PPID: variants seen among roughly 807,000 people sequenced by gnomAD.
The protein encoded by PPID is peptidylprolyl isomerase D.
PPID carries 47 observed loss-of-function variants against 48.1 expected under a neutral mutation model. The ratio of observed to expected loss-of-function variants is 0.98; its 90% CI spans 0.77 to 1.25. The LOEUF is 1.25. Among genes scored for constraint, PPID ranks in the 50% most tolerant of loss-of-function variants. PPID has a pLI of 0.00. For synonymous variants in PPID, 163 were observed against 148.8 expected (o/e 1.10, Z -0.69); for missense variants, 429 against 443.5 (o/e 0.97, Z 0.29).
intron 4 of PPID, among the ~76,000 whole-genome samples, chr4:158,716,074 T>C (rs991152189): frequency 3.3e-5 from 5 of 151,632 alleles, no homozygotes; most frequent in Admixed American, 2.0e-4. Context: ...ATTATGGTCG[T>C]TTAGGGGTTT....
At chr4:158,711,898 T>C (rs1181925955) in intron 7 of PPID, among the ~76,000 whole-genome samples, 1 of 152,098 alleles carries the variant, frequency 6.6e-6, no homozygotes, top group Non-Finnish European at 1.5e-5. Flanking sequence ...GCCCAGGAGG[T>C]TGAGGCTGCA....
At position 158,719,257 on chromosome 4, in the gene PPID, C is replaced by CTCCA; in HGVS notation, c.252_255dup (p.Asp86TrpfsTer17). The CTCCA allele has an allele frequency of 6.2e-7, 1 of 1,610,210 alleles. No homozygotes were observed. On this transcript the variant is annotated frameshift_variant, in exon 3 of 10. Coordinates refer to ENST00000307720, the MANE Select transcript of PPID (RefSeq NM_005038.3). LOFTEE classifies it high-confidence loss of function. ...CCTGTCCCATTCTGATTTGAGAAGT[C>CTCCA]TCCACCCTGAATCATAAATTTCTTA...
At chr4:158,710,422 C>A (rs1229339463) in intron 9 of PPID, 6 of 612,690 alleles carry the variant, frequency 9.8e-6, no homozygotes, top group Non-Finnish European at 1.7e-5. Flanking sequence ...CTACTATATT[C>A]TTGAATGGGA....
chr4:158,723,162 C>A (rs752311141), intron 1 of PPID, 42 bp downstream of exon 1: 1 of 1,571,362 alleles, frequency 6.4e-7, no homozygotes. Context: ...CGGGAACCCC[C>A]GCCTCCTCGG....
At chr4:158,723,142 C>T in intron 1 of PPID, 62 bp downstream of exon 1, 7 of 1,496,630 alleles carry the variant, frequency 4.7e-6, no homozygotes, top group Non-Finnish European at 5.5e-6. Flanking sequence ...CCTTGGAATC[C>T]CCCAAATCCC....
intron 6 of PPID, among the ~76,000 whole-genome samples, chr4:158,714,938 C>T (rs1253328367): frequency 6.6e-6 from 1 of 152,126 alleles, no homozygotes; most frequent in Non-Finnish European, 1.5e-5. Context: ...GGTGTTTTAA[C>T]GGTATTGAAC....
At chr4:158,716,950 C>T (rs138849715) in intron 4 of PPID, 62 bp downstream of exon 4, 17,159 of 1,526,304 alleles carry the variant, frequency 0.011, 126 homozygotes, top group Non-Finnish European at 0.014. Context: ...CAGATCGAGA[C>T]TCCGTCTCAA....
Position 158,721,331 on chromosome 4 carries a change from A to C in PPID, c.226+12T>G, listed in dbSNP as rs1774955420. ...TATGAAGAATAACAAGATTAAGAAA[A>C]TTTACACATACTTCGATGAAAAGGG... is the stretch of plus-strand genomic sequence containing the variant. On this transcript the variant is annotated intron_variant, in intron 2 of 9. Transcript: ENST00000307720. The C allele has an allele frequency of 1.2e-6, 2 of 1,612,898 alleles. No homozygotes were observed. The highest frequency in any genetic ancestry group is 4.5e-5 in the East Asian group (2 of 44,874).
intron 7 of PPID, among the ~76,000 whole-genome samples, chr4:158,712,587 T>C (rs937960415): frequency 5.3e-5 from 8 of 152,120 alleles, no homozygotes; most frequent in African/African-American, 1.7e-4. Context: ...TGAAACCCTG[T>C]CTCTACTAAA....
chr4:158,711,055 T>A (rs1260477960), intron 7 of PPID, among the ~76,000 whole-genome samples: 1 of 152,188 alleles, frequency 6.6e-6, no homozygotes, highest in Non-Finnish European at 1.5e-5. Flanking sequence ...GACATTTCTC[T>A]AGTTTCCAAT....
intron 3 of PPID, among the ~76,000 whole-genome samples, chr4:158,718,799 C>A (rs543901479): frequency 2.0e-5 from 3 of 152,286 alleles, no homozygotes; most frequent in Admixed American, 2.0e-4. Context: ...TGCTAGTGTG[C>A]AAATCCCCTG....
Position 158,715,174 on chromosome 4 carries a change from A to G in PPID, c.752+123T>C, listed in dbSNP as rs1449180287. On this transcript the variant is annotated intron_variant, in intron 6 of 9. Transcript: ENST00000307720. Reference sequence around the variant, plus strand: ...GCTGAGGGGAAAAAAAAGGAAATGCAACTATTTCAACACACCTGGTTATTC... The same window carrying G: ...GCTGAGGGGAAAAAAAAGGAAATGCGACTATTTCAACACACCTGGTTATTC... 9 of 786,988 alleles carry G rather than the reference A, an allele frequency of 1.1e-5. No individual in the cohort carries two copies. The Admixed American group carries it at 1.9e-4, about 17-fold the overall frequency. 48.8% of individuals were successfully genotyped at this position (786,988 alleles called of 1,614,324 possible).
chr4:158,721,514 A>G lies in PPID; in HGVS notation c.86-31T>C, dbSNP rs1384996542. ...AGAAAAGAAAATCTTGTCAGTATGCAAAACAACCAAATAGACAAATGATAA... is the reference window on the plus strand; with the variant it reads ...AGAAAAGAAAATCTTGTCAGTATGCGAAACAACCAAATAGACAAATGATAA... On this transcript the variant is annotated intron_variant, in intron 1 of 9. Transcript: ENST00000307720. 3.1e-6 allele frequency: 5 copies of G among 1,602,848 alleles called. No homozygotes were observed. The South Asian group carries it at 5.6e-5, about 18-fold the overall frequency.
chr4:158,722,786 A>T (rs1774984720), intron 1 of PPID, among the ~76,000 whole-genome samples: 1 of 152,230 alleles, frequency 6.6e-6, no homozygotes, highest in South Asian at 2.1e-4. Flanking sequence ...ATAACACAGC[A>T]CGTGCTGATA....
Position 158,715,600 on chromosome 4 carries a change from G to A in PPID, c.607C>T (p.Pro203Ser). 2 of 1,613,894 alleles carry A rather than the reference G, an allele frequency of 1.2e-6. No homozygotes were observed. Among genetic ancestry groups the A allele is most frequent in the Non-Finnish European group, 1.7e-6 (2 of 1,179,818 alleles). Residue 203 changes from proline to serine, a missense_variant, in exon 5 of 10, where the codon CCA becomes TCA. Physicochemically the swap from Pro to Ser is moderately conservative, Grantham distance 74 (BLOSUM62 -1). Transcript: ENST00000307720. ...ATATCCGCATCCTCAGGGAAATCTG[G>A]ATGACTGTCGCCAGAGCCATCTTTT... is the stretch of plus-strand genomic sequence containing the variant. ...FPKDGSGDSH[P>S]DFPEDADIDL... is the part of the protein sequence containing the mutation.
intron 9 of PPID, 101 bp from the exon 10 acceptor site, chr4:158,709,925 C>G: frequency 2.3e-6 from 2 of 872,886 alleles, no homozygotes; most frequent in Non-Finnish European, 3.5e-6. Flanking sequence ...GAAAAAACTT[C>G]TCTACAAAGT....
intron 5 of PPID, 45 bp from the exon 6 acceptor site, chr4:158,715,448 G>A: frequency 4.0e-6 from 6 of 1,502,474 alleles, no homozygotes; most frequent in Non-Finnish European, 5.4e-6. Context: ...TAAGTAATGT[G>A]GTTTAATGCT....
intron 6 of PPID, 77 bp from the exon 7 acceptor site, chr4:158,713,337 A>T: frequency 7.7e-7 from 1 of 1,301,120 alleles, no homozygotes; most frequent in Non-Finnish European, 1.0e-6. Flanking sequence ...CAGAAGTGTT[A>T]TGTCATTTCT....
At chr4:158,717,957 A>C (rs1040699776) in intron 3 of PPID, among the ~76,000 whole-genome samples, 2 of 152,056 alleles carry the variant, frequency 1.3e-5, no homozygotes, top group Non-Finnish European at 2.9e-5. Flanking sequence ...ATGCACCGTA[A>C]CTCTCATGTT....
Sources: gnomAD v4.1 joint callset for allele counts (sites outside exome capture counted in the v4.1 genomes callset) on GRCh38, gnomAD v4.1.1 for gene constraint, MANE v1.5 for transcripts, NCBI Gene and HGNC (gene_info 2026-07-23, HGNC 2026-07-21) for gene names.